Variants in KLHL5 observed in about 807,000 individuals in gnomAD.
KLHL5 encodes kelch-like protein 5.
Under a neutral mutation model 77.7 loss-of-function variants are expected in KLHL5, and 48 were observed. The observed-to-expected ratio is 0.62, with a 90% CI of 0.49 to 0.79. KLHL5 has a LOEUF of 0.79. Among genes scored for constraint, KLHL5 ranks in the 30% least tolerant of loss-of-function variants. The pLI, the probability that KLHL5 is intolerant of heterozygous loss-of-function variation, is 0.00. For synonymous variants in KLHL5, 260 were observed against 297.0 expected, an observed-to-expected ratio of 0.88 and a Z score of 1.28; for missense variants, 723 against 859.7, an observed-to-expected ratio of 0.84 and a Z score of 1.99.
intron 1 of KLHL5, among the ~76,000 whole-genome samples, chr4:39,075,319 G>A (rs1718909940): frequency 7.7e-6 from 1 of 129,478 alleles, no homozygotes; most frequent in East Asian, 2.2e-4. Flanking sequence ...CAACAAGAGC[G>A]AAATTCCGTC....
chr4:39,092,225 A>G (rs1720651585), intron 5 of KLHL5, among the ~76,000 whole-genome samples: 1 of 152,082 alleles, frequency 6.6e-6, no homozygotes. Flanking sequence ...GAAAGTATAT[A>G]TTTTGTAGTT....
intron 6 of KLHL5, among the ~76,000 whole-genome samples, chr4:39,097,542 G>C (rs568172054): frequency 6.6e-6 from 1 of 152,170 alleles, no homozygotes; most frequent in Non-Finnish European, 1.5e-5. Flanking sequence ...GAACTTAGCC[G>C]CCCATCTATG....
intron 8 of KLHL5, among the ~76,000 whole-genome samples, chr4:39,109,657 G>A (rs1234564181): frequency 1.3e-5 from 2 of 148,646 alleles, no homozygotes; most frequent in African/African-American, 5.0e-5. Context: ...TTTTTGGAGG[G>A]GGTGGTGGGG....
At chr4:39,084,131 G>A (rs1326626163) in intron 4 of KLHL5, among the ~76,000 whole-genome samples, 1 of 152,144 alleles carries the variant, frequency 6.6e-6, no homozygotes, top group African/African-American at 2.4e-5. Flanking sequence ...GCTAGCAAGC[G>A]TTTGGTAACA....
intron 4 of KLHL5, among the ~76,000 whole-genome samples, chr4:39,084,881 C>T (rs1188010966): frequency 5.3e-5 from 8 of 152,222 alleles, no homozygotes; most frequent in African/African-American, 1.9e-4. Context: ...CCTACGTGAT[C>T]TTTGTCTTTG....
intron 5 of KLHL5, among the ~76,000 whole-genome samples, chr4:39,091,697 G>A (rs1370743577): frequency 6.7e-6 from 1 of 149,918 alleles, no homozygotes; most frequent in Non-Finnish European, 1.5e-5. Flanking sequence ...TTTGGACAGG[G>A]TCTCACTCTG....
the KLHL5 span, among the ~76,000 whole-genome samples, chr4:39,137,873 G>GA: frequency 6.0e-5 from 9 of 150,428 alleles, no homozygotes; most frequent in Non-Finnish European, 1.3e-4. Flanking sequence ...AAATTTACAA[G>GA]AAAAAAACAA....
chr4:39,063,510 A>G, intron 1 of KLHL5: 1 of 419,746 alleles, frequency 2.4e-6, no homozygotes, highest in Non-Finnish European at 4.9e-6. Context: ...TTTTTGACAC[A>G]ATTGTAGTTG....
intron 1 of KLHL5, among the ~76,000 whole-genome samples, chr4:39,068,513 A>G (rs1718112768): frequency 6.6e-6 from 1 of 151,636 alleles, no homozygotes; most frequent in Non-Finnish European, 1.5e-5. Flanking sequence ...TCTGAAGGCT[A>G]TCTGTATGCT....
chr4:39,092,865 G>A (rs985095958), intron 5 of KLHL5, among the ~76,000 whole-genome samples: 7 of 152,126 alleles, frequency 4.6e-5, no homozygotes, highest in Non-Finnish European at 7.4e-5. Flanking sequence ...AACAATTGGC[G>A]AGGATGTGCA....
In KLHL5 at chr4:39,125,046, C is replaced by T. The variant is rs1723452365; in HGVS notation, c.*3980C>T. 6.6e-6 allele frequency among the ~76,000 whole-genome samples: 1 copy of T among 151,958 alleles called. No individual in the cohort carries two copies. The highest frequency in any genetic ancestry group is 2.1e-4 in the South Asian group (1 of 4,824). On this transcript the variant is annotated 3_prime_UTR_variant, in exon 11 of 11. Transcript: ENST00000504108. The stretch of plus-strand genomic sequence containing the variant: ...TTCTCTAATGAAGATATACAAATGG[C>T]CGACAAGCACATGGAAAGCACTCAA...
At position 39,086,592 on chromosome 4, in the gene KLHL5, T is replaced by C; in HGVS notation, c.978T>C (p.Ser326=). The change falls in exon 5 of 11, where the codon AGT becomes AGC. Residue 326 remains serine (S), a synonymous_variant. Transcript: ENST00000504108. ...PASEIAKLLA[S]DDMNIPNEET... is the part of the protein sequence containing the mutation. ...GCGAAATTGCAAAGCTCTTGGCTAG[T>C]GATGACATGAACATTCCTAATGAGG... is the stretch of plus-strand genomic sequence containing the variant. The C allele has an allele frequency of 6.2e-7, 1 of 1,614,018 alleles. No individual in the cohort carries two copies. Among genetic ancestry groups the C allele is most frequent in the Non-Finnish European group, 8.5e-7 (1 of 1,179,924 alleles).
intron 1 of KLHL5, among the ~76,000 whole-genome samples, chr4:39,046,501 C>G (rs1014340555): frequency 6.6e-6 from 1 of 152,182 alleles, no homozygotes; most frequent in African/African-American, 2.4e-5. Context: ...GTGATTCCAG[C>G]CCTTTGGGAG....
At chr4:39,105,725 T>G (rs1277995283) in intron 7 of KLHL5, among the ~76,000 whole-genome samples, 1 of 108,112 alleles carries the variant, frequency 9.2e-6, no homozygotes, top group Non-Finnish European at 1.8e-5. Flanking sequence ...CATATATGTG[T>G]GTATATATGT....
At chr4:39,093,848 G>C (rs1720816468) in intron 5 of KLHL5, among the ~76,000 whole-genome samples, 1 of 152,044 alleles carries the variant, frequency 6.6e-6, no homozygotes, top group African/African-American at 2.4e-5. Context: ...AGAGGTTGCA[G>C]TGAGCTGAGA....
chr4:39,086,566 A>T lies in KLHL5; in HGVS notation c.952A>T (p.Ser318Cys), dbSNP rs1408224660. 5 of 1,614,016 alleles carry T rather than the reference A, an allele frequency of 3.1e-6. No homozygotes were observed. Among genetic ancestry groups the T allele is most frequent in the Non-Finnish European group, 4.2e-6 (5 of 1,179,926 alleles). The stretch of plus-strand genomic sequence containing the variant: ...CCAGGAATTTGTATTATTACCAGCC[A>T]GCGAAATTGCAAAGCTCTTGGCTAG... ...RNQEFVLLPA[S>C]EIAKLLASDD... is the part of the protein sequence containing the mutation. The change falls in exon 5 of 11, where the codon AGC becomes TGC. Residue 318 changes from serine to cysteine, a missense_variant. Transcript: ENST00000504108.
At chr4:39,088,406 A>T (rs1720237987) in intron 5 of KLHL5, among the ~76,000 whole-genome samples, 2 of 152,348 alleles carry the variant, frequency 1.3e-5, no homozygotes, top group East Asian at 3.9e-4. Context: ...ATGTGATTGC[A>T]TAAATTCCTC....
Position 39,101,135 on chromosome 4 carries a change from T to C in KLHL5, c.1301-2152T>C, listed in dbSNP as rs901697136. On this transcript the variant is annotated intron_variant, in intron 6 of 10. Coordinates refer to ENST00000504108, the MANE Select transcript of KLHL5 (RefSeq NM_015990.5). ...TTTGGATATTTGGATTTTATATATA[T>C]ATATATATATATCTACCTGAGACTG... 1.4e-5 allele frequency among the ~76,000 whole-genome samples: 2 copies of C among 147,822 alleles called. 1 individual carries two copies. The highest frequency in any genetic ancestry group is 3.0e-5 in the Non-Finnish European group (2 of 67,020).
chr4:39,046,680 A>G (rs924244891), intron 1 of KLHL5, among the ~76,000 whole-genome samples: 1 of 152,214 alleles, frequency 6.6e-6, no homozygotes, highest in African/African-American at 2.4e-5. Context: ...TCCAGTAATG[A>G]GGCCTGAGAG....
Sources: gnomAD v4.1 joint callset for allele counts (sites outside exome capture counted in the v4.1 genomes callset) on GRCh38, gnomAD v4.1.1 for gene constraint, MANE v1.5 for transcripts, NCBI Gene and HGNC (gene_info 2026-07-23, HGNC 2026-07-21) for gene names.